SUGCT: variants seen among roughly 807,000 people sequenced by gnomAD.
SUGCT encodes the protein succinyl-CoA:glutarate CoA-transferase.
Under a neutral mutation model 55.0 loss-of-function variants are expected in SUGCT, and 41 were observed. The observed-to-expected ratio is 0.74, with a 90% CI of 0.58 to 0.97. The LOEUF is 0.97. SUGCT is among the 50% of genes least tolerant of loss of function. The pLI is 0.00. For missense variants in SUGCT, 568 were observed against 547.8 expected (o/e 1.04, Z -0.37); for synonymous variants, 187 against 200.4 (o/e 0.93, Z 0.56).
chr7:40,859,300 T>G (rs1288257133), intron 13 of SUGCT, among the ~76,000 whole-genome samples: 1 of 152,180 alleles, frequency 6.6e-6, no homozygotes, highest in Non-Finnish European at 1.5e-5. Flanking sequence ...TGGCTGCTGA[T>G]GTTATGGAAA....
Position 40,594,322 on chromosome 7 carries a change from T to TAA in SUGCT, c.1089+97948_1089+97949dup, listed in dbSNP as rs59560745. Among the ~76,000 whole-genome samples, 513 of 100,182 alleles carry TAA rather than the reference T, an allele frequency of 5.1e-3. 4 individuals carry two copies. The highest frequency in any genetic ancestry group is 0.017 in the African/African-American group (492 of 28,940). 65.7% of individuals were successfully genotyped at this position (100,182 alleles called of 152,430 possible). Reference sequence around the variant, plus strand: ...CACATGTACCCTAAAACTTAAAGTATAAAAAAAAAAAAAGTAAAAAAAAAA... The same window carrying TAA: ...CACATGTACCCTAAAACTTAAAGTATAAAAAAAAAAAAAAAGTAAAAAAAAAA... On this transcript the variant is annotated intron_variant, in intron 12 of 13. Coordinates refer to ENST00000335693, the MANE Select transcript of SUGCT (RefSeq NM_001193313.2).
rs192860175 is a variant in SUGCT at position 40,605,605 on chromosome 7, A to C, written c.1089+109219A>C. Among the ~76,000 whole-genome samples, 6 of 152,258 alleles carry C rather than the reference A, an allele frequency of 3.9e-5. No homozygotes were observed. The South Asian group carries it at 1.2e-3, about 32-fold the overall frequency. On this transcript the variant is annotated intron_variant, in intron 12 of 13. Coordinates refer to ENST00000335693, the MANE Select transcript of SUGCT (RefSeq NM_001193313.2). ...TGTAGAGAGCAGTCAGAAATGGAGGAGAAAAGAGAATACCTACAATCTTGA... is the reference window on the plus strand; with the variant it reads ...TGTAGAGAGCAGTCAGAAATGGAGGCGAAAAGAGAATACCTACAATCTTGA...
At chr7:40,439,274 C>T (rs1031042504) in intron 9 of SUGCT, among the ~76,000 whole-genome samples, 1 of 151,138 alleles carries the variant, frequency 6.6e-6, no homozygotes, top group Non-Finnish European at 1.5e-5. Flanking sequence ...GTTCTTTCAC[C>T]TTACTTATTC....
chr7:40,757,315 C>A (rs1788305645), intron 13 of SUGCT, among the ~76,000 whole-genome samples: 1 of 152,190 alleles, frequency 6.6e-6, no homozygotes, highest in Non-Finnish European at 1.5e-5. Flanking sequence ...GGATCTCCAT[C>A]AACTATGCTT....
At chr7:40,736,717 C>G (rs926326125) in intron 12 of SUGCT, among the ~76,000 whole-genome samples, 1 of 151,544 alleles carries the variant, frequency 6.6e-6, no homozygotes, top group Non-Finnish European at 1.5e-5. Flanking sequence ...TAACTGTCAG[C>G]TTAGAAATGT....
intron 12 of SUGCT, among the ~76,000 whole-genome samples, chr7:40,633,071 C>CAG (rs766406859): frequency 6.6e-6 from 1 of 152,060 alleles, no homozygotes; most frequent in Non-Finnish European, 1.5e-5. Flanking sequence ...AAAACTATGA[C>CAG]AGAGAGAGAG....
chr7:40,374,567 G>C (rs1429620939), intron 9 of SUGCT, among the ~76,000 whole-genome samples: 1 of 152,076 alleles, frequency 6.6e-6, no homozygotes, highest in Admixed American at 6.6e-5. Context: ...ATGGAACTAG[G>C]GTTGTCTCAA....
the SUGCT span, among the ~76,000 whole-genome samples, chr7:40,933,305 G>A: frequency 6.6e-6 from 1 of 152,194 alleles, no homozygotes; most frequent in South Asian, 2.1e-4. Flanking sequence ...GAGATCTGCT[G>A]TTAGTCTGAT....
At chr7:40,916,978 A>T in the SUGCT span, among the ~76,000 whole-genome samples, 1 of 152,216 alleles carries the variant, frequency 6.6e-6, no homozygotes, top group African/African-American at 2.4e-5. Context: ...AAAACACTGT[A>T]GATAAAAGAG....
At chr7:40,225,784 C>T (rs1291994994) in intron 6 of SUGCT, among the ~76,000 whole-genome samples, 1 of 152,088 alleles carries the variant, frequency 6.6e-6, no homozygotes, top group Non-Finnish European at 1.5e-5. Flanking sequence ...TAAAATATTA[C>T]TCATAGTAAT....
chr7:40,778,512 T>C (rs1413849858), intron 13 of SUGCT, among the ~76,000 whole-genome samples: 2 of 152,258 alleles, frequency 1.3e-5, no homozygotes, highest in African/African-American at 2.4e-5. Context: ...TTTTCTGTAA[T>C]TGTTGTCATT....
intron 9 of SUGCT, among the ~76,000 whole-genome samples, chr7:40,441,935 G>A (rs1333347704): frequency 6.6e-6 from 1 of 152,058 alleles, no homozygotes; most frequent in East Asian, 1.9e-4. Flanking sequence ...TGGGTGGGGG[G>A]TCTCAGGACT....
chr7:40,346,210 TTTTCAAG>T (rs1797296962), intron 9 of SUGCT, among the ~76,000 whole-genome samples: 1 of 152,136 alleles, frequency 6.6e-6, no homozygotes, highest in Admixed American at 6.5e-5. Context: ...CGTCTATTTA[TTTTCAAG>T]TTTAAAAATT....
chr7:40,843,384 C>T (rs1793377271), intron 13 of SUGCT, among the ~76,000 whole-genome samples: 1 of 151,934 alleles, frequency 6.6e-6, no homozygotes. Context: ...GTGGCGCATG[C>T]CTGTAATCCC....
chr7:40,860,179 G>A lies in SUGCT; in HGVS notation c.1154-137G>A, dbSNP rs572656302. Reference sequence around the variant, plus strand: ...GTGAAAACACGTTTATTTCCAAAACGTTGATGCATCTGGAAGGGTGTAACT... The same window carrying A: ...GTGAAAACACGTTTATTTCCAAAACATTGATGCATCTGGAAGGGTGTAACT... On this transcript the variant is annotated intron_variant, in intron 13 of 13. Coordinates refer to ENST00000335693, the MANE Select transcript of SUGCT (RefSeq NM_001193313.2). 12 of 998,254 alleles carry A rather than the reference G, an allele frequency of 1.2e-5. No individual in the cohort carries two copies. The East Asian group carries it at 1.9e-4, about 16-fold the overall frequency. The allele number at this position is 998,254 out of a possible 1,614,324, so 61.8% of individuals were successfully genotyped here.
chr7:40,355,645 T>G (rs1026321336), intron 9 of SUGCT, among the ~76,000 whole-genome samples: 2 of 152,198 alleles, frequency 1.3e-5, no homozygotes, highest in African/African-American at 4.8e-5. Flanking sequence ...TTAAAGAATA[T>G]AAAATAATTT....
chr7:40,138,102 A>G (rs902549571), intron 1 of SUGCT, among the ~76,000 whole-genome samples: 6 of 152,168 alleles, frequency 3.9e-5, no homozygotes, highest in Non-Finnish European at 8.8e-5. Flanking sequence ...CACAAGACAC[A>G]TTGTACCCAG....
intron 12 of SUGCT, among the ~76,000 whole-genome samples, chr7:40,733,364 G>A (rs1786994708): frequency 6.6e-6 from 1 of 152,094 alleles, no homozygotes; most frequent in Non-Finnish European, 1.5e-5. Flanking sequence ...CTCAGGCCTG[G>A]TCACACAGGC....
At chr7:40,376,836 C>A (rs1784572050) in intron 9 of SUGCT, among the ~76,000 whole-genome samples, 1 of 151,318 alleles carries the variant, frequency 6.6e-6, no homozygotes, top group Non-Finnish European at 1.5e-5. Context: ...TCTTTTAGAA[C>A]AGGTCTGCTG....
Sources: gnomAD v4.1 joint callset for allele counts (sites outside exome capture counted in the v4.1 genomes callset) on GRCh38, gnomAD v4.1.1 for gene constraint, MANE v1.5 for transcripts, NCBI Gene and HGNC (gene_info 2026-07-23, HGNC 2026-07-21) for gene names.